XKR4: variants seen among roughly 807,000 people sequenced by gnomAD.
The protein encoded by XKR4 is XK related 4.
XKR4 carries 12 observed loss-of-function variants against 53.9 expected under a neutral mutation model. The ratio of observed to expected loss-of-function variants is 0.22; its 90% CI spans 0.14 to 0.36. XKR4 has a LOEUF of 0.36. Ranked by LOEUF, XKR4 falls within the 10% of genes least tolerant of loss-of-function variation. The pLI, the probability that XKR4 is intolerant of heterozygous loss-of-function variation, is 1.00. For missense variants in XKR4, 799 were observed against 859.5 expected (o/e 0.93, Z 0.88); for synonymous variants, 354 against 362.4 (o/e 0.98, Z 0.26).
intron 2 of XKR4, among the ~76,000 whole-genome samples, chr8:55,504,867 T>C (rs542360652): frequency 6.6e-6 from 1 of 152,266 alleles, no homozygotes; most frequent in South Asian, 2.1e-4. Flanking sequence ...AGTATTCTCT[T>C]ATAATTCTTT....
At chr8:55,228,462 T>C (rs1817987607) in intron 1 of XKR4, among the ~76,000 whole-genome samples, 1 of 152,220 alleles carries the variant, frequency 6.6e-6, no homozygotes, top group Admixed American at 6.5e-5. Flanking sequence ...AAGAATGTCT[T>C]TTATTTATTA....
At chr8:55,373,137 A>G (rs1284192274) in intron 2 of XKR4, among the ~76,000 whole-genome samples, 1 of 152,190 alleles carries the variant, frequency 6.6e-6, no homozygotes, top group Non-Finnish European at 1.5e-5. Context: ...CTCAGAGACT[A>G]CAAGACTAAC....
intron 1 of XKR4, among the ~76,000 whole-genome samples, chr8:55,270,426 T>C (rs1818670638): frequency 6.6e-6 from 1 of 152,188 alleles, no homozygotes; most frequent in Admixed American, 6.5e-5. Context: ...CAGGAAGGGT[T>C]AGGAGTTTCC....
chr8:55,235,328 G>A (rs1348244001), intron 1 of XKR4, among the ~76,000 whole-genome samples: 1 of 152,156 alleles, frequency 6.6e-6, no homozygotes, highest in Non-Finnish European at 1.5e-5. Context: ...TTTCAAATAA[G>A]GTTACTTTCT....
chr8:55,454,505 G>A, intron 2 of XKR4: 1 of 1,262,332 alleles, frequency 7.9e-7, no homozygotes, highest in Non-Finnish European at 1.1e-6. Context: ...CAGTACGTTG[G>A]TGATGCCCAG....
intron 1 of XKR4, among the ~76,000 whole-genome samples, chr8:55,227,052 A>C (rs1471253321): frequency 6.6e-6 from 1 of 152,142 alleles, no homozygotes; most frequent in Non-Finnish European, 1.5e-5. Flanking sequence ...GGAATACTGC[A>C]ACACCACCCC....
At chr8:55,248,396 C>T (rs1818318733) in intron 1 of XKR4, among the ~76,000 whole-genome samples, 1 of 152,214 alleles carries the variant, frequency 6.6e-6, no homozygotes, top group Non-Finnish European at 1.5e-5. Context: ...ATGTAATTGC[C>T]TCTACCTGCA....
rs190090206 is a variant in XKR4, at chr8:55,383,811, A to T, written c.1006+25934A>T. Among the ~76,000 whole-genome samples the T allele has an allele frequency of 9.5e-4, 144 of 152,308 alleles. 2 individuals are homozygous for T. The highest frequency in any genetic ancestry group is 3.3e-3 in the African/African-American group (136 of 41,580). On this transcript the variant is annotated intron_variant, in intron 2 of 2. Transcript: ENST00000327381. ...TATAAGGAAACAGAGGTGCAGAAAAATAACTTGTCTAAGGTTATAGGAAGA... is the reference window on the plus strand; with the variant it reads ...TATAAGGAAACAGAGGTGCAGAAAATTAACTTGTCTAAGGTTATAGGAAGA...
chr8:55,397,792 C>T (rs1804543836), intron 2 of XKR4, among the ~76,000 whole-genome samples: 2 of 152,118 alleles, frequency 1.3e-5, no homozygotes, highest in East Asian at 1.9e-4. Flanking sequence ...TTAAAAACCT[C>T]GGTGTCTTGG....
intron 2 of XKR4, among the ~76,000 whole-genome samples, chr8:55,429,704 G>T (rs1805072232): frequency 6.6e-6 from 1 of 151,386 alleles, no homozygotes; most frequent in Non-Finnish European, 1.5e-5. Context: ...ATTTCAGACT[G>T]GGTGACAGAC....
At chr8:55,382,443 C>G (rs1335068633) in intron 2 of XKR4, among the ~76,000 whole-genome samples, 1 of 152,064 alleles carries the variant, frequency 6.6e-6, no homozygotes, top group Non-Finnish European at 1.5e-5. Context: ...TAAATTTGGG[C>G]CGATATGGCT....
At chr8:55,242,043 T>G (rs1482649997) in intron 1 of XKR4, among the ~76,000 whole-genome samples, 1 of 152,204 alleles carries the variant, frequency 6.6e-6, no homozygotes, top group African/African-American at 2.4e-5. Flanking sequence ...TAATAAACCC[T>G]TTTATTCTGA....
At chr8:55,134,732 G>A (rs563335072) in intron 1 of XKR4, among the ~76,000 whole-genome samples, 1 of 152,308 alleles carries the variant, frequency 6.6e-6, no homozygotes, top group East Asian at 1.9e-4. Context: ...CCCTGCCTTG[G>A]TGGGCTCTTG....
chr8:55,419,712 T>C (rs193170185), intron 2 of XKR4, among the ~76,000 whole-genome samples: 1 of 152,368 alleles, frequency 6.6e-6, no homozygotes, highest in Non-Finnish European at 1.5e-5. Context: ...GTCCAGATTC[T>C]CAGTCTCTTC....
chr8:55,264,933 C>T (rs557654963), intron 1 of XKR4, among the ~76,000 whole-genome samples: 1 of 152,294 alleles, frequency 6.6e-6, no homozygotes, highest in South Asian at 2.1e-4. Context: ...AAATTCCAAA[C>T]CAAAAAAGTC....
At chr8:55,188,277 T>G (rs561234066) in intron 1 of XKR4, among the ~76,000 whole-genome samples, 1 of 152,310 alleles carries the variant, frequency 6.6e-6, no homozygotes, top group South Asian at 2.1e-4. Flanking sequence ...CTTCTAAGTC[T>G]TAACCATGAA....
chr8:55,538,970 G>C lies in XKR4; in HGVS notation c.*14743G>C, dbSNP rs1207450212. Reference sequence around the variant, plus strand: ...ATATTTCGGAGAAGTTTTTACACAGGGCTTCAGCTATATACTGATATACAT... The same window carrying C: ...ATATTTCGGAGAAGTTTTTACACAGCGCTTCAGCTATATACTGATATACAT... On this transcript the variant is annotated 3_prime_UTR_variant, in exon 3 of 3. Coordinates refer to ENST00000327381, the MANE Select transcript of XKR4 (RefSeq NM_052898.2). 1 of 152,080 alleles carries C rather than the reference G, an allele frequency of 6.6e-6. No individual in the cohort carries two copies. Among genetic ancestry groups the C allele is most frequent in the Non-Finnish European group, 1.5e-5 (1 of 68,020 alleles). 9.4% of individuals were successfully genotyped at this position (152,080 alleles called of 1,614,324 possible).
intron 1 of XKR4, among the ~76,000 whole-genome samples, chr8:55,180,441 C>T (rs1481831172): frequency 6.6e-6 from 1 of 152,220 alleles, no homozygotes; most frequent in Non-Finnish European, 1.5e-5. Context: ...TATGTATCTT[C>T]TCTGCTAATA....
At chr8:55,322,160 C>T (rs1420818725) in intron 1 of XKR4, among the ~76,000 whole-genome samples, 1 of 152,148 alleles carries the variant, frequency 6.6e-6, no homozygotes, top group African/African-American at 2.4e-5. Context: ...GCTTTTATCC[C>T]TAAGTAATTG....
Sources: allele counts gnomAD v4.1 joint callset (sites outside exome capture counted in the v4.1 genomes callset), GRCh38; gene constraint gnomAD v4.1.1; transcripts MANE v1.5; gene names NCBI Gene and HGNC (gene_info 2026-07-23, HGNC 2026-07-21).